SPECC1L: variants seen among roughly 807,000 people sequenced by gnomAD.
SPECC1L encodes sperm antigen with calponin homology and coiled-coil domains 1 like.
SPECC1L carries 40 observed loss-of-function variants against 116.8 expected under a neutral mutation model. The observed-to-expected ratio is 0.34, with a 90% CI of 0.27 to 0.45. The LOEUF (loss-of-function observed/expected upper bound fraction) is 0.45, where lower values mean the gene tolerates loss of function less well. SPECC1L is among the 20% of genes least tolerant of loss of function. The pLI is 1.00. For synonymous variants in SPECC1L, 504 were observed against 500.6 expected (o/e 1.01, Z -0.09); for missense variants, 1,110 against 1,373.6 (o/e 0.81, Z 3.03).
chr22:24,383,770 G>A (rs927191802), intron 14 of SPECC1L, among the ~76,000 whole-genome samples: 14 of 140,762 alleles, frequency 9.9e-5, no homozygotes, highest in African/African-American at 3.2e-4. Flanking sequence ...TTGAGTAGCT[G>A]GGATTACAGG....
intron 14 of SPECC1L, among the ~76,000 whole-genome samples, chr22:24,377,490 G>A (rs964836004): frequency 6.6e-6 from 1 of 152,090 alleles, no homozygotes; most frequent in Non-Finnish European, 1.5e-5. Flanking sequence ...TCATCTTCTT[G>A]TCCATCTTCT....
At chr22:24,326,761 C>T (rs891716320) in intron 6 of SPECC1L, among the ~76,000 whole-genome samples, 3 of 152,104 alleles carry the variant, frequency 2.0e-5, no homozygotes, top group Non-Finnish European at 4.4e-5. Flanking sequence ...CTTTTTATTT[C>T]ACAGGACCTG....
At chr22:24,386,428 A>T (rs1207787) in intron 14 of SPECC1L, among the ~76,000 whole-genome samples, 19 of 152,062 alleles carry the variant, frequency 1.2e-4, no homozygotes, top group Non-Finnish European at 2.2e-4. Flanking sequence ...ATAAAGTTCT[A>T]GTCAGTGCAG....
chr22:24,332,422 A>G (rs1465600763), intron 8 of SPECC1L, among the ~76,000 whole-genome samples: 1 of 152,264 alleles, frequency 6.6e-6, no homozygotes, highest in East Asian at 1.9e-4. Flanking sequence ...TTTAATGGGC[A>G]GAATAGGAAA....
chr22:24,400,766 G>C (rs1341384628), intron 14 of SPECC1L, among the ~76,000 whole-genome samples: 2 of 152,190 alleles, frequency 1.3e-5, no homozygotes, highest in South Asian at 4.1e-4. Context: ...TGGCTGTGAA[G>C]TGTCATCTTC....
chr22:24,341,304 C>T (rs2041172661), intron 10 of SPECC1L, among the ~76,000 whole-genome samples: 1 of 152,212 alleles, frequency 6.6e-6, no homozygotes, highest in Admixed American at 6.5e-5. Context: ...TTTCCAGGAA[C>T]AGCCCCGCAA....
chr22:24,322,761 A>G lies in SPECC1L; in HGVS notation c.1781A>G (p.Tyr594Cys). The G allele has an allele frequency of 1.9e-6, 3 of 1,584,910 alleles. No homozygotes were observed. The highest frequency in any genetic ancestry group is 2.6e-6 in the Non-Finnish European group (3 of 1,167,312). Reference protein sequence around the residue: ...ENEKQKVAELYSIHNSGDKSD... With the variant: ...ENEKQKVAELCSIHNSGDKSD... The stretch of plus-strand genomic sequence containing the variant: ...GAAAAGCAGAAAGTGGCAGAGCTGT[A>G]TTCTATCCATAACTCTGGAGACAAA... The change falls in exon 5 of 17, where the codon TAT (tyrosine) becomes TGT (cysteine). Residue 594 changes from tyrosine (Y) to cysteine (C), a missense_variant. Tyr to Cys is a radical substitution (Grantham distance 194). Transcript: ENST00000314328.
chr22:24,299,482 A>ACCAG (rs1287234595), intron 2 of SPECC1L, among the ~76,000 whole-genome samples: 1 of 152,138 alleles, frequency 6.6e-6, no homozygotes, highest in Non-Finnish European at 1.5e-5. Flanking sequence ...ATGGCTAAGA[A>ACCAG]CCAGCCGGTC....
intron 14 of SPECC1L, among the ~76,000 whole-genome samples, chr22:24,406,961 T>C (rs978408123): frequency 1.3e-5 from 2 of 152,216 alleles, no homozygotes; most frequent in East Asian, 1.9e-4. Context: ...CTCACTTCCC[T>C]GGAGGAACCC....
At chr22:24,288,455 A>G (rs1037592910) in intron 2 of SPECC1L, among the ~76,000 whole-genome samples, 18 of 152,002 alleles carry the variant, frequency 1.2e-4, no homozygotes, top group Non-Finnish European at 2.4e-4. Flanking sequence ...TACTCACTAG[A>G]CACAGGGAAA....
At chr22:24,342,602 G>T (rs1009035255) in intron 10 of SPECC1L, among the ~76,000 whole-genome samples, 2 of 151,454 alleles carry the variant, frequency 1.3e-5, no homozygotes, top group African/African-American at 2.4e-5. Context: ...GAACCCAGGA[G>T]GGGGAGGTTG....
intron 10 of SPECC1L, chr22:24,343,423 C>G (rs544300706): frequency 2.3e-6 from 1 of 438,448 alleles, no homozygotes; most frequent in East Asian, 7.3e-5. Context: ...AGAAACTGTG[C>G]AAGTCAGAAG....
chr22:24,395,912 A>G (rs896863066), intron 14 of SPECC1L, among the ~76,000 whole-genome samples: 3 of 152,170 alleles, frequency 2.0e-5, no homozygotes, highest in East Asian at 1.9e-4. Flanking sequence ...TGGCCTCTCA[A>G]AGTGCTGGGA....
At chr22:24,338,896 C>T (rs1392823381) in intron 10 of SPECC1L, among the ~76,000 whole-genome samples, 1 of 152,154 alleles carries the variant, frequency 6.6e-6, no homozygotes, top group Non-Finnish European at 1.5e-5. Context: ...CAGAGTTAGG[C>T]TGTCTGGATT....
In SPECC1L at chr22:24,295,091, G is replaced by T. The variant is rs552434873; in HGVS notation, c.-37-7104G>T. Reference sequence around the variant, plus strand: ...GAGCTTCCTGTGTGGCTGTGAATGTGTAATTAGCTTTGGGCAGGGCTCCCA... The same window carrying T: ...GAGCTTCCTGTGTGGCTGTGAATGTTTAATTAGCTTTGGGCAGGGCTCCCA... On this transcript the variant is annotated intron_variant, in intron 2 of 16. Coordinates refer to ENST00000314328, the MANE Select transcript of SPECC1L (RefSeq NM_015330.6). Among the ~76,000 whole-genome samples the T allele has an allele frequency of 4.6e-5, 7 of 151,344 alleles. No homozygotes were observed. In the East Asian group the frequency reaches 7.8e-4, roughly 17 times the overall value.
chr22:24,326,386 G>T (rs542643203), intron 6 of SPECC1L, among the ~76,000 whole-genome samples: 2 of 152,174 alleles, frequency 1.3e-5, no homozygotes, highest in African/African-American at 2.4e-5. Context: ...GTGTGAGGTC[G>T]CAAGGAACCA....
intron 14 of SPECC1L, among the ~76,000 whole-genome samples, chr22:24,396,740 C>T (rs753249588): frequency 3.9e-5 from 6 of 152,174 alleles, no homozygotes; most frequent in African/African-American, 1.4e-4. Context: ...ATAGAAGTTG[C>T]GTTTCACGTG....
At chr22:24,328,605 A>G (rs926569649) in intron 6 of SPECC1L, among the ~76,000 whole-genome samples, 3 of 152,214 alleles carry the variant, frequency 2.0e-5, no homozygotes, top group African/African-American at 7.2e-5. Flanking sequence ...CAAAATTAAG[A>G]TACTGTGGAA....
intron 10 of SPECC1L, 79 bp from the exon 11 acceptor site, chr22:24,347,007 A>G (rs2146563171): frequency 1.8e-6 from 2 of 1,107,578 alleles, no homozygotes; most frequent in Middle Eastern, 2.0e-4. Context: ...TTATAACTAA[A>G]TATCTACTCT....
Sources: gnomAD v4.1 joint callset for allele counts (sites outside exome capture counted in the v4.1 genomes callset) on GRCh38, gnomAD v4.1.1 for gene constraint, MANE v1.5 for transcripts, NCBI Gene and HGNC (gene_info 2026-07-23, HGNC 2026-07-21) for gene names.